The following DMD variants were observed in gnomAD, a reference collection of about 807,000 sequenced individuals.
The protein encoded by DMD is mutant dystrophin.
A neutral mutation model predicts 330.1 loss-of-function variants in DMD; 63 were observed. The ratio of observed to expected loss-of-function variants is 0.19; its 90% CI spans 0.16 to 0.24. DMD has a LOEUF of 0.24. Among genes scored for constraint, DMD ranks in the 10% least tolerant of loss-of-function variants. The probability of loss-of-function intolerance (pLI) is 1.00; values close to 1 mark genes in which losing one functional copy is unlikely to be tolerated. For synonymous variants in DMD, 1,223 were observed against 959.8 expected, an observed-to-expected ratio of 1.27 and a Z score of -5.07; for missense variants, 3,344 against 2,684.1, an observed-to-expected ratio of 1.25 and a Z score of -5.43.
intron 52 of DMD, among the ~76,000 whole-genome samples, chrX:31,681,405 T>C (rs2082373470): frequency 8.9e-6 from 1 of 112,227 alleles, no homozygotes; most frequent in Non-Finnish European, 1.9e-5. Context: ...GAGGGAAAAG[T>C]GGCCAAAAGC....
At chrX:31,915,200 C>A (rs2094594171) in intron 47 of DMD, among the ~76,000 whole-genome samples, 1 of 108,877 alleles carries the variant, frequency 9.2e-6, no homozygotes, top group Non-Finnish European at 1.9e-5. Flanking sequence ...GTGAATGAGA[C>A]TTTGACTGGT....
At chrX:32,561,772 T>C (rs1249522523) in intron 16 of DMD, among the ~76,000 whole-genome samples, 6 of 111,043 alleles carry the variant, frequency 5.4e-5, no homozygotes, top group Admixed American at 1.9e-4. Context: ...AAAGAAAAAA[T>C]GTTAAGGACA....
At chrX:31,191,544 A>G (rs776160842) in intron 67 of DMD, among the ~76,000 whole-genome samples, 9 of 110,227 alleles carry the variant, frequency 8.2e-5, no homozygotes, top group African/African-American at 2.3e-4. Flanking sequence ...GTGATAGTGA[A>G]TGAGTCTCAC....
At chrX:32,036,833 G>A (rs1388980858) in intron 44 of DMD, among the ~76,000 whole-genome samples, 2 of 111,686 alleles carry the variant, frequency 1.8e-5, no homozygotes, top group Admixed American at 1.9e-4. Context: ...TCACAAAGGA[G>A]TTAAGAGTGT....
At chrX:32,471,373 TA>T (rs780662985) in intron 22 of DMD, among the ~76,000 whole-genome samples, 1 of 112,091 alleles carries the variant, frequency 8.9e-6, no homozygotes, top group South Asian at 3.7e-4. Context: ...AGAAGGATGT[TA>T]AAAAAATGTA....
At chrX:32,897,849 T>G (rs958343861) in intron 2 of DMD, among the ~76,000 whole-genome samples, 5 of 96,248 alleles carry the variant, frequency 5.2e-5, no homozygotes, top group Admixed American at 5.1e-4. Context: ...TTTTCTCCAC[T>G]TTCCGCAGCA....
At chrX:32,911,617 C>T (rs2087250331) in intron 2 of DMD, among the ~76,000 whole-genome samples, 1 of 111,495 alleles carries the variant, frequency 9.0e-6, no homozygotes, top group Non-Finnish European at 1.9e-5. Flanking sequence ...AATGCCCAAA[C>T]TCATTTTTCA....
At chrX:32,348,368 C>T (rs769772508) in intron 38 of DMD, 38 bp downstream of exon 38, 5 of 1,181,158 alleles carry the variant, frequency 4.2e-6, no homozygotes, top group South Asian at 1.8e-5. Context: ...TTTATTTCCA[C>T]TCCTAGTTCA....
At chrX:32,704,206 T>C (rs1401022495) in intron 7 of DMD, among the ~76,000 whole-genome samples, 1 of 109,280 alleles carries the variant, frequency 9.2e-6, no homozygotes, top group East Asian at 2.8e-4. Context: ...AAAATCAGAT[T>C]AGAAACCAGT....
chrX:32,902,162 C>A (rs1008592487), intron 2 of DMD, among the ~76,000 whole-genome samples: 2 of 91,674 alleles, frequency 2.2e-5, no homozygotes, highest in Admixed American at 2.3e-4. Context: ...CACACAAACA[C>A]ACACACACAC....
At chrX:31,607,901 A>T (rs1569554446) in intron 55 of DMD, among the ~76,000 whole-genome samples, 1 of 111,569 alleles carries the variant, frequency 9.0e-6, no homozygotes, top group Non-Finnish European at 1.9e-5. Flanking sequence ...ATTATTTAAA[A>T]AATCTCTTTT....
intron 4 of DMD, among the ~76,000 whole-genome samples, chrX:32,826,138 C>A (rs2078675464): frequency 9.0e-6 from 1 of 111,460 alleles, no homozygotes; most frequent in African/African-American, 3.3e-5. Flanking sequence ...ATTAAAACTA[C>A]AATGAAATAT....
At chrX:31,266,952 T>C (rs891691843) in intron 62 of DMD, 4 of 1,092,590 alleles carry the variant, frequency 3.7e-6, no homozygotes, top group Admixed American at 2.8e-5. Flanking sequence ...CTGAAAGCAC[T>C]GCGGAGGAGC....
At chrX:31,323,752 C>T in intron 61 of DMD, 94 bp from the exon 62 acceptor site, 1 of 795,015 alleles carries the variant, frequency 1.3e-6, no homozygotes, top group Admixed American at 2.6e-5. Context: ...CAATTTTACA[C>T]TGATATTGGT....
Position 32,699,176 on chromosome X carries a change from C to T in DMD, c.767G>A (p.Arg256Lys), listed in dbSNP as rs1220531253. The T allele has an allele frequency of 1.7e-6, 2 of 1,210,298 alleles. No individual in the cohort carries two copies. Among genetic ancestry groups the T allele is most frequent in the African/African-American group, 1.7e-5 (1 of 57,702 alleles). ...TTCTTCTTTAGTCACTTTAGGTGGC[C>T]TTGGCAACATTTCCACTTCCTGGAT... ...EAIQEVEMLP[R>K]PPKVTKEEHF... The change falls in exon 8 of 79, where the codon AGG becomes AAG. Residue 256 changes from arginine to lysine, a missense_variant. Arg to Lys is a conservative substitution (Grantham distance 26). Transcript: ENST00000357033.
At chrX:32,990,507 T>C (rs1357977762) in intron 2 of DMD, among the ~76,000 whole-genome samples, 2 of 112,136 alleles carry the variant, frequency 1.8e-5, no homozygotes, top group Non-Finnish European at 3.8e-5. Context: ...TCCAAAATGC[T>C]AATCCAAAAT....
chrX:31,614,624 TTA>T (rs2078100015), intron 55 of DMD, among the ~76,000 whole-genome samples: 3 of 111,869 alleles, frequency 2.7e-5, no homozygotes, highest in Non-Finnish European at 3.8e-5. Flanking sequence ...GGGAAATGAT[TTA>T]TGTCTCTTAC....
chrX:32,843,455 C>T (rs1462579330), intron 4 of DMD, among the ~76,000 whole-genome samples: 5 of 111,823 alleles, frequency 4.5e-5, no homozygotes, highest in African/African-American at 1.6e-4. Flanking sequence ...ACAAACATCT[C>T]TGTAAAATAA....
intron 2 of DMD, among the ~76,000 whole-genome samples, chrX:32,908,079 C>G: frequency 9.0e-6 from 1 of 111,669 alleles, no homozygotes; most frequent in Admixed American, 9.6e-5. Context: ...AGTTCTGTTG[C>G]TACGAGTCAC....
Sources: allele counts gnomAD v4.1 joint callset (sites outside exome capture counted in the v4.1 genomes callset), GRCh38; gene constraint gnomAD v4.1.1; transcripts MANE v1.5; gene names NCBI Gene and HGNC (gene_info 2026-07-23, HGNC 2026-07-21).